GALNT17: variants seen among roughly 807,000 people sequenced by gnomAD.
GALNT17 encodes the protein polypeptide N-acetylgalactosaminyltransferase 17, also known as UDP-GalNAc:polypeptide N-acetylgalactosaminyltransferase-like 3.
Under a neutral mutation model 63.7 loss-of-function variants are expected in GALNT17, and 29 were observed. That is an observed-to-expected ratio of 0.46 (90% CI 0.34 to 0.62). The LOEUF (loss-of-function observed/expected upper bound fraction) is 0.62. Among genes scored for constraint, GALNT17 ranks in the 20% least tolerant of loss-of-function variants. GALNT17 has a pLI of 0.01. For missense variants in GALNT17, 603 were observed against 799.6 expected (o/e 0.75, Z 2.97); for synonymous variants, 305 against 318.3 (o/e 0.96, Z 0.45).
chr7:71,265,347 G>A (rs894232824), intron 1 of GALNT17, among the ~76,000 whole-genome samples: 48 of 151,234 alleles, frequency 3.2e-4, no homozygotes, highest in Admixed American at 7.9e-4. Flanking sequence ...GGCTGCTCTC[G>A]AACTCCTGAC....
chr7:71,140,997 C>A (rs1787878488), intron 1 of GALNT17, among the ~76,000 whole-genome samples: 1 of 150,070 alleles, frequency 6.7e-6, no homozygotes, highest in South Asian at 2.1e-4. Flanking sequence ...CTCCATCCAT[C>A]CTGGGTGACA....
chr7:71,151,624 AAAAG>A (rs1788134516), intron 1 of GALNT17, among the ~76,000 whole-genome samples: 1 of 133,710 alleles, frequency 7.5e-6, no homozygotes, highest in African/African-American at 2.8e-5. Flanking sequence ...CATCTCAAAA[AAAAG>A]AAAAGAAAAA....
chr7:71,637,449 A>G (rs925054506), intron 6 of GALNT17, among the ~76,000 whole-genome samples: 14 of 151,172 alleles, frequency 9.3e-5, no homozygotes, highest in African/African-American at 3.2e-4. Flanking sequence ...TCGGCCTCCC[A>G]AAGTGCTGGG....
At chr7:71,687,425 A>G (rs1464399099) in intron 9 of GALNT17, among the ~76,000 whole-genome samples, 1 of 152,178 alleles carries the variant, frequency 6.6e-6, no homozygotes, top group African/African-American at 2.4e-5. Context: ...GTCGGAAAAC[A>G]CAGAAGTGAG....
intron 6 of GALNT17, among the ~76,000 whole-genome samples, chr7:71,592,506 T>C (rs1789817670): frequency 1.7e-5 from 1 of 57,594 alleles, no homozygotes; most frequent in South Asian, 8.0e-4. Flanking sequence ...AAAAATAAAA[T>C]AAAATAAAAT....
intron 6 of GALNT17, among the ~76,000 whole-genome samples, chr7:71,625,436 G>A (rs1290712307): frequency 2.0e-5 from 3 of 152,158 alleles, no homozygotes; most frequent in African/African-American, 4.8e-5. Context: ...GTGAGCCACC[G>A]AGCCCAGCTG....
intron 5 of GALNT17, among the ~76,000 whole-genome samples, chr7:71,428,933 G>A (rs552803514): frequency 2.5e-3 from 381 of 152,270 alleles, no homozygotes; most frequent in Admixed American, 3.4e-3. Flanking sequence ...CACTTCCAGG[G>A]ACACCGGCCA....
intron 6 of GALNT17, among the ~76,000 whole-genome samples, chr7:71,651,733 A>G (rs1458499112): frequency 2.0e-5 from 3 of 152,066 alleles, no homozygotes; most frequent in Non-Finnish European, 4.4e-5. Context: ...TTCTTTAGAG[A>G]CAGGTTGTTA....
intron 6 of GALNT17, among the ~76,000 whole-genome samples, chr7:71,660,752 T>A (rs1790896390): frequency 6.6e-6 from 1 of 152,226 alleles, no homozygotes; most frequent in Non-Finnish European, 1.5e-5. Flanking sequence ...TTGCTAAGGC[T>A]CAAAAGCCTT....
In GALNT17 at chr7:71,234,323, G is replaced by A. The variant is rs1170856441; in HGVS notation, c.239-101227G>A. On this transcript the variant is annotated intron_variant, in intron 1 of 10. Coordinates refer to ENST00000333538, the MANE Select transcript of GALNT17 (RefSeq NM_022479.3). The stretch of plus-strand genomic sequence containing the variant: ...GTCGCCCAGGCTGGAGTGCAGTGGC[G>A]CAATCTCGGCTCACTGCTACCTCTG... Among the ~76,000 whole-genome samples, 6 of 152,178 alleles carry A rather than the reference G, an allele frequency of 3.9e-5. No individual in the cohort carries two copies. The South Asian group carries it at 6.2e-4, about 16-fold the overall frequency.
At chr7:71,688,209 G>A (rs1562737466) in intron 9 of GALNT17, among the ~76,000 whole-genome samples, 3 of 151,906 alleles carry the variant, frequency 2.0e-5, no homozygotes, top group South Asian at 2.1e-4. Flanking sequence ...TTATAAATTC[G>A]TCTTACCTCG....
At chr7:71,375,228 A>G (rs1413273252) in intron 2 of GALNT17, among the ~76,000 whole-genome samples, 1 of 152,258 alleles carries the variant, frequency 6.6e-6, no homozygotes, top group East Asian at 1.9e-4. Context: ...GAAGTGTTTC[A>G]GGGTCAATGT....
intron 1 of GALNT17, among the ~76,000 whole-genome samples, chr7:71,134,800 A>G (rs1296136968): frequency 6.8e-6 from 1 of 146,524 alleles, no homozygotes; most frequent in Admixed American, 6.8e-5. Flanking sequence ...TCTCAGGGAC[A>G]CAGGTTAGTT....
chr7:71,468,251 A>G (rs1167419956), intron 5 of GALNT17, among the ~76,000 whole-genome samples: 2 of 152,042 alleles, frequency 1.3e-5, no homozygotes, highest in African/African-American at 2.4e-5. Flanking sequence ...GCTGGTCTCC[A>G]GCTCCTTGCC....
intron 1 of GALNT17, among the ~76,000 whole-genome samples, chr7:71,272,804 C>T (rs1347871252): frequency 6.6e-6 from 1 of 152,146 alleles, no homozygotes. Context: ...GATGATATTT[C>T]TTCTCTGATA....
chr7:71,146,388 G>C (rs1788024132), intron 1 of GALNT17, among the ~76,000 whole-genome samples: 1 of 152,162 alleles, frequency 6.6e-6, no homozygotes, highest in Non-Finnish European at 1.5e-5. Context: ...CTTCCTAGCA[G>C]CTCCTTAAGG....
chr7:71,431,209 C>CTTTTTTTTTTT (rs1265130879), intron 5 of GALNT17, among the ~76,000 whole-genome samples: 21 of 115,116 alleles, frequency 1.8e-4, no homozygotes, highest in East Asian at 2.4e-4. Flanking sequence ...CTTTTCTTTT[C>CTTTTTTTTTTT]TTTTTTTTTT....
intron 6 of GALNT17, among the ~76,000 whole-genome samples, chr7:71,576,886 C>T (rs1789547422): frequency 6.6e-6 from 1 of 152,134 alleles, no homozygotes; most frequent in Non-Finnish European, 1.5e-5. Context: ...TAATAATAGC[C>T]ATTCTACCAA....
At chr7:71,264,227 A>T (rs1010705042) in intron 1 of GALNT17, among the ~76,000 whole-genome samples, 1 of 152,168 alleles carries the variant, frequency 6.6e-6, no homozygotes, top group African/African-American at 2.4e-5. Flanking sequence ...GGGGTTGAGC[A>T]TGCCGCACAT....
Sources: gnomAD v4.1 joint callset for allele counts (sites outside exome capture counted in the v4.1 genomes callset) on GRCh38, gnomAD v4.1.1 for gene constraint, MANE v1.5 for transcripts, NCBI Gene and HGNC (gene_info 2026-07-23, HGNC 2026-07-21) for gene names.